The following ATP6AP2 variants were observed in gnomAD, a reference collection of about 807,000 sequenced individuals.
The protein encoded by ATP6AP2 is renin receptor.
ATP6AP2 carries 1 observed loss-of-function variant against 23.4 expected under a neutral mutation model. That is an observed-to-expected ratio of 0.04 (90% CI 0.02 to 0.20). ATP6AP2 has a LOEUF of 0.20. Among genes scored for constraint, ATP6AP2 ranks in the 10% least tolerant of loss-of-function variants. The pLI, the probability that ATP6AP2 is intolerant of heterozygous loss-of-function variation, is 1.00. For missense variants in ATP6AP2, 174 were observed against 271.3 expected, an observed-to-expected ratio of 0.64 and a Z score of 2.52; for synonymous variants, 90 against 97.1, an observed-to-expected ratio of 0.93 and a Z score of 0.43.
intron 3 of ATP6AP2, chrX:40,596,093 C>T (rs778646363): frequency 1.0e-4 from 11 of 110,065 alleles, no homozygotes; most frequent in South Asian, 3.9e-4. Context: ...GCAGGAGAAT[C>T]ACTTGTACCT....
rs186631566 is a variant in ATP6AP2 at position 40,594,988 on chromosome X, A to G, written c.301-2261A>G. Among the ~76,000 whole-genome samples the G allele has an allele frequency of 5.6e-3, 632 of 112,276 alleles. 2 individuals carry two copies. Among genetic ancestry groups the G allele is most frequent in the Non-Finnish European group, 9.4e-3 (503 of 53,272 alleles). ...TTCAGAGTAAATACACATAAAGTAG[A>G]AGGAAGGGAACAATACAGATCAAAA... On this transcript the variant is annotated intron_variant, in intron 3 of 8. Coordinates refer to ENST00000636580, the MANE Select transcript of ATP6AP2 (RefSeq NM_005765.3).
rs778205152 is a variant in ATP6AP2, at chrX:40,601,802, G to A, written c.858+921G>A. Among the ~76,000 whole-genome samples, 448 of 112,012 alleles carry A rather than the reference G, an allele frequency of 4.0e-3. 1 individual carries two copies. The highest frequency in any genetic ancestry group is 7.3e-3 in the Admixed American group (77 of 10,523). On this transcript the variant is annotated intron_variant, in intron 8 of 8. Transcript: ENST00000636580. ...GAAGTCAGTGTGGGACTTGGAGTCG[G>A]AAGGTCGAAGCCAGTGCCTGTTTGA... is the stretch of plus-strand genomic sequence containing the variant.
intron 1 of ATP6AP2, 120 bp downstream of exon 1, chrX:40,581,222 G>T: frequency 1.3e-6 from 1 of 793,188 alleles, no homozygotes; most frequent in Non-Finnish European, 1.7e-6. Context: ...GTCCGTCAGC[G>T]GCGGCCTCGC....
intron 8 of ATP6AP2, among the ~76,000 whole-genome samples, chrX:40,602,291 A>G (rs189104834): frequency 1.0e-5 from 1 of 99,570 alleles, no homozygotes; most frequent in Non-Finnish European, 1.9e-5. Context: ...CAAATAAAAA[A>G]AAAATTACAA....
chrX:40,604,049 C>G, intron 8 of ATP6AP2, among the ~76,000 whole-genome samples: 1 of 112,109 alleles, frequency 8.9e-6, no homozygotes, highest in East Asian at 2.8e-4. Flanking sequence ...TCATCTCCTG[C>G]TGTGTTCCTA....
chrX:40,593,309 C>T (rs1926689133), intron 3 of ATP6AP2, among the ~76,000 whole-genome samples: 1 of 110,535 alleles, frequency 9.0e-6, no homozygotes, highest in South Asian at 3.8e-4. Context: ...TCTCCCCCAG[C>T]GTCTTCTAAC....
chrX:40,596,755 C>T (rs1373853714), intron 3 of ATP6AP2, among the ~76,000 whole-genome samples: 2 of 112,164 alleles, frequency 1.8e-5, no homozygotes, highest in African/African-American at 6.5e-5. Context: ...ATCTAAGAGT[C>T]TTTAGGCTAT....
In ATP6AP2 at chrX:40,580,974, C is replaced by A; in HGVS notation, c.-92C>A. On this transcript the variant is annotated 5_prime_UTR_variant, in exon 1 of 9. Coordinates refer to ENST00000636580, the MANE Select transcript of ATP6AP2 (RefSeq NM_005765.3). ...ACGGGACCCGGGAGCCTGGACGAGT[C>A]CGAGCGCGTCACCTCCTCACGCTGC... 1.8e-6 allele frequency: 2 copies of A among 1,083,522 alleles called. No homozygotes were observed. The highest frequency in any genetic ancestry group is 2.5e-6 in the Non-Finnish European group (2 of 801,254). 89.3% of individuals were successfully genotyped at this position (1,083,522 alleles called of 1,213,427 possible). A position where few individuals can be genotyped will look rare whatever the true frequency, so the allele number is the denominator to read the frequency against.
intron 3 of ATP6AP2, 40 bp downstream of exon 3, chrX:40,591,405 C>A: frequency 8.5e-7 from 1 of 1,173,485 alleles, no homozygotes; most frequent in Non-Finnish European, 1.2e-6. Context: ...ATGCATTTTA[C>A]ATTTTCCCTT....
chrX:40,587,849 G>A (rs972726182), intron 1 of ATP6AP2, among the ~76,000 whole-genome samples: 3 of 112,154 alleles, frequency 2.7e-5, no homozygotes, highest in Admixed American at 1.9e-4. Context: ...AACTCAGCTT[G>A]GGTGACATAG....
chrX:40,599,752 A>G lies in ATP6AP2; in HGVS notation c.738+11A>G, dbSNP rs769025319. ...GACGCTCTGCAAAAGGTAAATATCA[A>G]TGCGACATGAGAGGTTGGAGTATGA... On this transcript the variant is annotated intron_variant, in intron 7 of 8. Transcript: ENST00000636580. 8.3e-7 allele frequency: 1 copy of G among 1,209,651 alleles called. No homozygotes were observed. Among genetic ancestry groups the G allele is most frequent in the Non-Finnish European group, 1.1e-6 (1 of 894,566 alleles).
At chrX:40,589,280 C>CCCAGAGTG in intron 2 of ATP6AP2, 164 bp downstream of exon 2, 1 of 599,785 alleles carries the variant, frequency 1.7e-6, no homozygotes, top group Non-Finnish European at 2.5e-6. Flanking sequence ...CGCCTGTAAT[C>CCCAGAGTG]CCGGCACTCT....
At chrX:40,593,514 C>CT (rs1419038483) in intron 3 of ATP6AP2, among the ~76,000 whole-genome samples, 15 of 105,142 alleles carry the variant, frequency 1.4e-4, no homozygotes, top group South Asian at 4.1e-4. Context: ...CTGCTTTTTT[C>CT]TTTTTTTTTT....
At chrX:40,589,212 A>G in intron 2 of ATP6AP2, 96 bp downstream of exon 2, 4 of 993,681 alleles carry the variant, frequency 4.0e-6, no homozygotes, top group Non-Finnish European at 5.6e-6. Flanking sequence ...GAACGTAGGT[A>G]CGTTTGGTAC....
chrX:40,599,624 T>C lies in ATP6AP2; in HGVS notation c.621T>C (p.His207=). ...LSRHKHLAKD[H]SPDLYSLELA... is the part of the protein sequence containing the mutation. ...GTCATAAGCATCTAGCCAAGGATCA[T>C]TCTCCTGATTTATATTCACTGGAGC... The change falls in exon 7 of 9, where the codon CAT becomes CAC. Residue 207 remains histidine (H), a synonymous_variant. Transcript: ENST00000636580. 8.3e-7 allele frequency: 1 copy of C among 1,211,561 alleles called. No individual in the cohort carries two copies. Among genetic ancestry groups the C allele is most frequent in the Non-Finnish European group, 1.1e-6 (1 of 895,308 alleles).
rs1281949272 is a variant in ATP6AP2 at position 40,605,857 on chromosome X, A to T, written c.*102A>T. 2 of 733,719 alleles carry T rather than the reference A, an allele frequency of 2.7e-6. No homozygotes were observed. Among genetic ancestry groups the T allele is most frequent in the Admixed American group, 6.6e-5 (2 of 30,087 alleles). 60.5% of individuals were successfully genotyped at this position (733,719 alleles called of 1,213,427 possible). A position where few individuals can be genotyped will look rare whatever the true frequency, so the allele number is the denominator to read the frequency against. On this transcript the variant is annotated 3_prime_UTR_variant, in exon 9 of 9. Coordinates refer to ENST00000636580, the MANE Select transcript of ATP6AP2 (RefSeq NM_005765.3). ...AAAGTAGATAGTATACTTTACATTT[A>T]TAAAAAAAAATCAAATTTTGTTCTT...
At chrX:40,597,820 G>GGCTCA in intron 5 of ATP6AP2, 156 bp downstream of exon 5, 2 of 567,654 alleles carry the variant, frequency 3.5e-6, no homozygotes, top group Non-Finnish European at 5.6e-6. Flanking sequence ...TCACAGGCTT[G>GGCTCA]AGCCACTGCA....
At chrX:40,589,856 T>C (rs1374198343) in intron 2 of ATP6AP2, 1 of 111,666 alleles carries the variant, frequency 9.0e-6, no homozygotes, top group East Asian at 2.8e-4. Context: ...TTTGATGTGG[T>C]CTCTAGATAT....
Position 40,581,112 on chromosome X carries a change from CG to C in ATP6AP2, c.37+15del. 1 of 1,155,367 alleles carries C rather than the reference CG, an allele frequency of 8.7e-7. No homozygotes were observed. Among genetic ancestry groups the C allele is most frequent in the Admixed American group, 2.6e-5 (1 of 38,512 alleles). On this transcript the variant is annotated intron_variant, in intron 1 of 8. Coordinates refer to ENST00000636580, the MANE Select transcript of ATP6AP2 (RefSeq NM_005765.3). ...CTGGCGTTGGTGGCGGGTGAGGAGC[CG>C]GGGGCCGGCAGGACGTGCCTGGGGA... is the stretch of plus-strand genomic sequence containing the variant.
Sources: allele counts gnomAD v4.1 joint callset (sites outside exome capture counted in the v4.1 genomes callset), GRCh38; gene constraint gnomAD v4.1.1; transcripts MANE v1.5; gene names NCBI Gene and HGNC (gene_info 2026-07-23, HGNC 2026-07-21).